Variants in ERO1B observed in about 807,000 individuals in gnomAD.
ERO1B encodes ERO1-like protein beta.
In ERO1B, 49 loss-of-function variants were observed where a neutral mutation model predicts 75.3. That is an observed-to-expected ratio of 0.65 (90% CI 0.52 to 0.83). The LOEUF (loss-of-function observed/expected upper bound fraction) is 0.83, where lower values mean the gene tolerates loss of function less well. Ranked by LOEUF, ERO1B falls within the 40% of genes least tolerant of loss-of-function variation. The pLI is 0.00. For synonymous variants in ERO1B, 191 were observed against 192.9 expected (o/e 0.99, Z 0.08); for missense variants, 512 against 560.1 (o/e 0.91, Z 0.87).
chr1:236,262,197 G>A (rs1165174976), intron 2 of ERO1B, among the ~76,000 whole-genome samples: 3 of 152,092 alleles, frequency 2.0e-5, no homozygotes, highest in Non-Finnish European at 4.4e-5. Flanking sequence ...AAGTATGTAT[G>A]GTCAATTGAT....
chr1:236,273,877 T>C (rs1041596397), intron 1 of ERO1B, among the ~76,000 whole-genome samples: 26 of 151,556 alleles, frequency 1.7e-4, no homozygotes, highest in Admixed American at 7.2e-4. Context: ...GCTGAAAGTA[T>C]ATGTTCAGCT....
intron 2 of ERO1B, among the ~76,000 whole-genome samples, chr1:236,268,525 A>T (rs1400060119): frequency 6.6e-6 from 1 of 152,220 alleles, no homozygotes; most frequent in Non-Finnish European, 1.5e-5. Context: ...TGATCAATCG[A>T]TAGATCACTT....
chr1:236,272,324 G>A (rs973912315), intron 1 of ERO1B, among the ~76,000 whole-genome samples: 12 of 151,990 alleles, frequency 7.9e-5, no homozygotes, highest in African/African-American at 2.7e-4. Context: ...ACCCATCAAC[G>A]GTGGATGGAA....
intron 2 of ERO1B, among the ~76,000 whole-genome samples, chr1:236,268,391 G>C (rs1355571714): frequency 6.6e-6 from 1 of 151,946 alleles, no homozygotes; most frequent in Non-Finnish European, 1.5e-5. Context: ...AGTGAACTGA[G>C]ATGGAGCCAC....
At chr1:236,255,141 T>C (rs1302467209) in intron 2 of ERO1B, among the ~76,000 whole-genome samples, 1 of 151,612 alleles carries the variant, frequency 6.6e-6, no homozygotes, top group East Asian at 1.9e-4. Context: ...TCACTATGTT[T>C]CCCAGGTTGG....
At chr1:236,250,615 A>G (rs1161273107) in intron 4 of ERO1B, among the ~76,000 whole-genome samples, 2 of 69,440 alleles carry the variant, frequency 2.9e-5, no homozygotes, top group Non-Finnish European at 5.7e-5. Context: ...ATATATATAT[A>G]TATCAAACGT....
At chr1:236,258,560 G>A (rs1039824178) in intron 2 of ERO1B, among the ~76,000 whole-genome samples, 7 of 152,086 alleles carry the variant, frequency 4.6e-5, no homozygotes, top group African/African-American at 1.7e-4. Flanking sequence ...CCTTCAAGCT[G>A]AAGAAAAATG....
intron 15 of ERO1B, among the ~76,000 whole-genome samples, chr1:236,218,812 T>C (rs1340763097): frequency 3.3e-5 from 5 of 152,186 alleles, no homozygotes; most frequent in African/African-American, 1.2e-4. Context: ...AACAGTGATA[T>C]GAATAATTCT....
At chr1:236,233,333 TG>T (rs1664461073) in intron 8 of ERO1B, among the ~76,000 whole-genome samples, 1 of 139,712 alleles carries the variant, frequency 7.2e-6, no homozygotes, top group African/African-American at 2.7e-5. Flanking sequence ...AGAAGAAGGC[TG>T]GGCACGGTGG....
At position 236,279,515 on chromosome 1, in the gene ERO1B, A is replaced by AAAAC. The variant is rs1553375585; in HGVS notation, c.102+2166_102+2167insGTTT. Among the ~76,000 whole-genome samples, 5 of 142,340 alleles carry AAAAC rather than the reference A, an allele frequency of 3.5e-5. 1 individual carries two copies. Among genetic ancestry groups the AAAAC allele is most frequent in the Admixed American group, 1.4e-4 (2 of 14,076 alleles). The allele number at this position is 142,340 out of a possible 152,430, so 93.4% of individuals were successfully genotyped here. Reference sequence around the variant, plus strand: ...GCGAGACTCCATCTCAAAAAAAAAAAAAAAACAGCACAGTAGAAAGTACTG... The same window carrying AAAAC: ...GCGAGACTCCATCTCAAAAAAAAAAAAAACAAAAACAGCACAGTAGAAAGTACTG... On this transcript the variant is annotated intron_variant, in intron 1 of 15. Coordinates refer to ENST00000354619, the MANE Select transcript of ERO1B (RefSeq NM_019891.4).
rs190887345 is a variant in ERO1B, at chr1:236,260,828, G to A, written c.223-7323C>T. Among the ~76,000 whole-genome samples the A allele has an allele frequency of 1.4e-3, 213 of 150,068 alleles. 1 individual carries two copies. The highest frequency in any genetic ancestry group is 4.4e-3 in the African/African-American group (181 of 41,054). ...GAAAGCCAGTATTTACCCTGATTTC[G>A]AAGGCAGAAAAAGACACTACAAAAA... is the stretch of plus-strand genomic sequence containing the variant. On this transcript the variant is annotated intron_variant, in intron 2 of 15. Transcript: ENST00000354619.
chr1:236,252,111 CA>C lies in ERO1B; in HGVS notation c.307-21del, dbSNP rs759286634. ...TTTACTCTTAAAAAAACAAGAAAAGCAAAAAAATTTTTAAGTGATCTTTATT... is the reference window on the plus strand; with the variant it reads ...TTTACTCTTAAAAAAACAAGAAAAGCAAAAAATTTTTAAGTGATCTTTATT... On this transcript the variant is annotated intron_variant, in intron 3 of 15. Transcript: ENST00000354619. 11 of 1,549,792 alleles carry C rather than the reference CA, an allele frequency of 7.1e-6. No individual in the cohort carries two copies. Among genetic ancestry groups the C allele is most frequent in the East Asian group, 2.3e-5 (1 of 43,952 alleles).
At chr1:236,230,125 A>T in intron 10 of ERO1B, 99 bp downstream of exon 10, 1 of 879,434 alleles carries the variant, frequency 1.1e-6, no homozygotes, top group Non-Finnish European at 1.8e-6. Context: ...TGTCAAAATT[A>T]GTTGACTAGG....
intron 6 of ERO1B, among the ~76,000 whole-genome samples, chr1:236,240,026 T>A (rs1664659768): frequency 6.6e-6 from 1 of 150,646 alleles, no homozygotes; most frequent in Non-Finnish European, 1.5e-5. Flanking sequence ...TGCCTCAGCC[T>A]CCCATGTAGC....
chr1:236,271,555 G>A (rs2695045), intron 1 of ERO1B, among the ~76,000 whole-genome samples: 138,332 of 152,074 alleles, frequency 0.91, 64,312 homozygotes, highest in East Asian at 1. Context: ...TCCCCAGCCA[G>A]TCTGAAATAT....
intron 7 of ERO1B, 152 bp downstream of exon 7, chr1:236,236,126 C>T (rs1481999157): frequency 4.2e-6 from 4 of 954,412 alleles, no homozygotes; most frequent in Non-Finnish European, 6.3e-6. Context: ...GGGGTTTCAC[C>T]ATGTTGGCCA....
rs116884851 is a variant in ERO1B at position 236,227,095 on chromosome 1, A to T, written c.713-356T>A. Among the ~76,000 whole-genome samples the T allele has an allele frequency of 3.5e-4, 53 of 152,334 alleles. No homozygotes were observed. The East Asian group carries it at 9.5e-3, about 27-fold the overall frequency. On this transcript the variant is annotated intron_variant, in intron 10 of 15. Transcript: ENST00000354619. Reference sequence around the variant, plus strand: ...CTTACTGAAGTAAATGTAATTATAAAGTCACTGCTGGATTTTTCCCCCTTC... The same window carrying T: ...CTTACTGAAGTAAATGTAATTATAATGTCACTGCTGGATTTTTCCCCCTTC...
chr1:236,235,801 C>T lies in ERO1B; in HGVS notation c.661G>A (p.Ala221Thr), dbSNP rs1211200654. The change falls in exon 8 of 16, where the codon GCG becomes ACG. Residue 221 changes from alanine to threonine, a missense_variant. Physicochemically the swap from Ala to Thr is moderately conservative, Grantham distance 58 (BLOSUM62 0). Coordinates refer to ENST00000354619, the MANE Select transcript of ERO1B (RefSeq NM_019891.4). ...RSVYRPLNPL[A>T]PSRGEDDGES... is the part of the protein sequence containing the mutation. ...ATGAAAAACCTACCTCGGCTAGGCG[C>T]CAGAGGATTTAAAGGACGATAAACA... The T allele has an allele frequency of 1.2e-6, 2 of 1,611,506 alleles. No individual in the cohort carries two copies. Among genetic ancestry groups the T allele is most frequent in the Non-Finnish European group, 1.7e-6 (2 of 1,179,022 alleles).
chr1:236,255,650 A>G (rs1665143109), intron 2 of ERO1B, among the ~76,000 whole-genome samples: 1 of 152,176 alleles, frequency 6.6e-6, no homozygotes, highest in Non-Finnish European at 1.5e-5. Flanking sequence ...ACTTTTGGTA[A>G]TATGTAAAAT....
Sources: gnomAD v4.1 joint callset for allele counts (sites outside exome capture counted in the v4.1 genomes callset) on GRCh38, gnomAD v4.1.1 for gene constraint, MANE v1.5 for transcripts, NCBI Gene and HGNC (gene_info 2026-07-23, HGNC 2026-07-21) for gene names.